Variants in CRLF3 observed in about 807,000 individuals in gnomAD.
CRLF3 encodes cytokine receptor like factor 3, also known as cytokine receptor-like factor 3.
Under a neutral mutation model 55.0 loss-of-function variants are expected in CRLF3, and 33 were observed. The observed-to-expected ratio is 0.60, with a 90% CI of 0.46 to 0.80. The LOEUF is 0.80. Among genes scored for constraint, CRLF3 ranks in the 30% least tolerant of loss-of-function variants. The probability of loss-of-function intolerance (pLI) is 0.00; values close to 1 mark genes in which losing one functional copy is unlikely to be tolerated. For missense variants in CRLF3, 494 were observed against 538.4 expected (o/e 0.92, Z 0.82); for synonymous variants, 238 against 196.8 (o/e 1.21, Z -1.75).
chr17:30,806,848 A>G (rs1904420467), intron 1 of CRLF3, among the ~76,000 whole-genome samples: 1 of 152,130 alleles, frequency 6.6e-6, no homozygotes, highest in South Asian at 2.1e-4. Flanking sequence ...ATGTTGCCCA[A>G]GCTGGTCTTG....
At position 30,797,318 on chromosome 17, in the gene CRLF3, A is replaced by G. The variant is rs2142256708; in HGVS notation, c.418T>C (p.Leu140=). 1 of 1,612,298 alleles carries G rather than the reference A, an allele frequency of 6.2e-7. No homozygotes were observed. The highest frequency in any genetic ancestry group is 2.2e-5 in the East Asian group (1 of 44,872). Residue 140 remains leucine (L), a synonymous_variant, in exon 3 of 8, where the codon TTG becomes CTG. Coordinates refer to ENST00000324238, the MANE Select transcript of CRLF3 (RefSeq NM_015986.4). The part of the protein sequence containing the change: ...SFTKKASHIQ[L]DSLPEVPLLV... ...AGGCACAAACTCTTTTACCTGTCCA[A>G]CTGAATGTGCGAGGCCTTTTTGGTA...
intron 1 of CRLF3, 44 bp downstream of exon 1, chr17:30,824,479 C>T (rs1180695208): frequency 6.5e-7 from 1 of 1,540,198 alleles, no homozygotes; most frequent in South Asian, 1.2e-5. Flanking sequence ...GGCATCCGCG[C>T]CACCCCCGGG....
chr17:30,815,804 T>A (rs1249715666), intron 1 of CRLF3, among the ~76,000 whole-genome samples: 2 of 149,020 alleles, frequency 1.3e-5, no homozygotes, highest in African/African-American at 2.5e-5. Flanking sequence ...TTGGCCTCCC[T>A]AAATCCTGGG....
chr17:30,817,674 G>C (rs764795490), intron 1 of CRLF3, among the ~76,000 whole-genome samples: 1 of 151,876 alleles, frequency 6.6e-6, no homozygotes, highest in Non-Finnish European at 1.5e-5. Flanking sequence ...TTGGGAGGCC[G>C]AGGAAGGTGG....
chr17:30,796,103 C>A, intron 4 of CRLF3, 57 bp downstream of exon 4: 1 of 1,256,198 alleles, frequency 8.0e-7, no homozygotes, highest in Non-Finnish European at 1.1e-6. Context: ...ATCTGAAAGG[C>A]CTCCAAATCG....
At chr17:30,821,922 TA>T in intron 1 of CRLF3, among the ~76,000 whole-genome samples, 1 of 151,468 alleles carries the variant, frequency 6.6e-6, no homozygotes, top group Non-Finnish European at 1.5e-5. Context: ...TATATCTCAA[TA>T]AAAAAAGTCA....
chr17:30,786,705 T>C (rs1194667848), intron 6 of CRLF3: 1 of 151,554 alleles, frequency 6.6e-6, no homozygotes, highest in Non-Finnish European at 1.5e-5. Flanking sequence ...TCAATCTATC[T>C]ATCTATTTTT....
intron 6 of CRLF3, among the ~76,000 whole-genome samples, chr17:30,788,015 G>A (rs978232910): frequency 4.0e-5 from 6 of 150,686 alleles, no homozygotes; most frequent in African/African-American, 4.9e-5. Context: ...AAAAGAGGGG[G>A]AGAGCTGGGG....
intron 4 of CRLF3, among the ~76,000 whole-genome samples, chr17:30,794,223 TAATC>T (rs1971868908): frequency 6.6e-6 from 1 of 152,164 alleles, no homozygotes; most frequent in Non-Finnish European, 1.5e-5. Flanking sequence ...GCATGTTTTT[TAATC>T]AATGCCAAAG....
At position 30,796,268 on chromosome 17, in the gene CRLF3, G is replaced by A. The variant is rs756041727; in HGVS notation, c.495C>T (p.Asn165=). 5.0e-6 allele frequency: 8 copies of A among 1,613,874 alleles called. No homozygotes were observed. The highest frequency in any genetic ancestry group is 4.4e-5 in the South Asian group (4 of 91,078). Residue 165 remains asparagine, a synonymous_variant, in exon 4 of 8, where the codon AAC becomes AAT. Transcript: ENST00000324238. ...LSAQLDDSIL[N]IVKDHIFKHG... ...GCTTAAAAATGTGGTCTTTCACTATGTTAAGAATTGAGTCATCCAACTGAG... is the reference window on the plus strand; with the variant it reads ...GCTTAAAAATGTGGTCTTTCACTATATTAAGAATTGAGTCATCCAACTGAG...
intron 1 of CRLF3, among the ~76,000 whole-genome samples, chr17:30,804,600 C>T (rs1195260035): frequency 1.3e-5 from 2 of 152,116 alleles, no homozygotes; most frequent in East Asian, 1.9e-4. Flanking sequence ...CTGTATCTGG[C>T]TTATTTCACT....
intron 4 of CRLF3, among the ~76,000 whole-genome samples, chr17:30,795,838 A>G (rs1416401574): frequency 6.6e-6 from 1 of 152,134 alleles, no homozygotes; most frequent in Non-Finnish European, 1.5e-5. Context: ...CAGGAGGCCG[A>G]AGCAGGAGAA....
chr17:30,808,190 T>G (rs1211079491), intron 1 of CRLF3, among the ~76,000 whole-genome samples: 1 of 151,994 alleles, frequency 6.6e-6, no homozygotes, highest in Non-Finnish European at 1.5e-5. Context: ...GGGATACTGT[T>G]AGAAATTCAG....
intron 1 of CRLF3, among the ~76,000 whole-genome samples, chr17:30,805,472 G>A (rs753813351): frequency 6.6e-6 from 1 of 152,198 alleles, no homozygotes; most frequent in African/African-American, 2.4e-5. Flanking sequence ...CCCAGCACTT[G>A]GGAGGCCGAG....
intron 6 of CRLF3, among the ~76,000 whole-genome samples, chr17:30,788,566 G>C (rs1339048313): frequency 6.7e-6 from 1 of 149,152 alleles, no homozygotes; most frequent in Non-Finnish European, 1.5e-5. Context: ...CTTCAGCAGG[G>C]ACTGACTGGG....
At chr17:30,789,894 T>A (rs1851940114) in intron 6 of CRLF3, among the ~76,000 whole-genome samples, 1 of 152,194 alleles carries the variant, frequency 6.6e-6, no homozygotes, top group Non-Finnish European at 1.5e-5. Flanking sequence ...CTAACCGAAG[T>A]GCTTCTGTAA....
chr17:30,800,204 G>A (rs535057379), intron 2 of CRLF3, among the ~76,000 whole-genome samples: 1 of 152,212 alleles, frequency 6.6e-6, no homozygotes, highest in South Asian at 2.1e-4. Flanking sequence ...ACTTTTAAAT[G>A]TTGGTGACCC....
intron 1 of CRLF3, among the ~76,000 whole-genome samples, chr17:30,808,709 C>G (rs1180904748): frequency 5.3e-5 from 8 of 152,126 alleles, no homozygotes; most frequent in East Asian, 3.8e-4. Flanking sequence ...TCTCCTGCCT[C>G]AGCCCCCCTA....
intron 2 of CRLF3, among the ~76,000 whole-genome samples, chr17:30,802,968 C>T (rs1423096272): frequency 6.6e-6 from 1 of 151,588 alleles, no homozygotes; most frequent in Non-Finnish European, 1.5e-5. Flanking sequence ...AATTCGAGAC[C>T]AGCCTGGGCA....
Sources: allele counts gnomAD v4.1 joint callset (sites outside exome capture counted in the v4.1 genomes callset), GRCh38; gene constraint gnomAD v4.1.1; transcripts MANE v1.5; gene names NCBI Gene and HGNC (gene_info 2026-07-23, HGNC 2026-07-21).